Variants in TBX18 observed in about 807,000 individuals in gnomAD.
TBX18 encodes T-box transcription factor 18, also known as T-box transcription factor TBX18.
TBX18 carries 21 observed loss-of-function variants against 55.0 expected under a neutral mutation model. That is an observed-to-expected ratio of 0.38 (90% CI 0.27 to 0.55). TBX18 has a LOEUF of 0.55. Ranked by LOEUF, TBX18 falls within the 20% of genes least tolerant of loss-of-function variation. The pLI is 0.73. For missense variants in TBX18, 840 were observed against 799.6 expected, an observed-to-expected ratio of 1.05 and a Z score of -0.61; for synonymous variants, 342 against 326.1, an observed-to-expected ratio of 1.05 and a Z score of -0.53.
chr6:84,736,499 C>T lies in TBX18; in HGVS notation c.*186G>A, dbSNP rs1167807474. The T allele has an allele frequency of 5.6e-5, 31 of 553,450 alleles. No homozygotes were observed. Among genetic ancestry groups the T allele is most frequent in the Admixed American group, 2.8e-4 (7 of 25,120 alleles). The allele number at this position is 553,450 out of a possible 1,614,324, so 34.3% of individuals were successfully genotyped here. ...TGATACTCCATGTGCTATGTATATACAGCATACATATATACCATAGATAAT... is the reference window on the plus strand; with the variant it reads ...TGATACTCCATGTGCTATGTATATATAGCATACATATATACCATAGATAAT... On this transcript the variant is annotated 3_prime_UTR_variant, in exon 8 of 8. Coordinates refer to ENST00000369663, the MANE Select transcript of TBX18 (RefSeq NM_001080508.3).
intron 2 of TBX18, 120 bp from the exon 3 acceptor site, chr6:84,760,476 T>C: frequency 1.7e-6 from 1 of 587,112 alleles, no homozygotes; most frequent in Non-Finnish European, 2.9e-6. Context: ...ATTTATAGTA[T>C]TCACTTTGCC....
Position 84,764,054 on chromosome 6 carries a change from G to A in TBX18, c.128C>T (p.Ala43Val), listed in dbSNP as rs375648531. 439 of 1,563,412 alleles carry A rather than the reference G, an allele frequency of 2.8e-4. No homozygotes were observed. In the African/African-American group the frequency reaches 5.4e-3, roughly 19 times the overall value. Residue 43 changes from alanine (A) to valine (V), a missense_variant, in exon 1 of 8, where the codon GCC becomes GTC. By Grantham distance (64) the Ala-to-Val change is moderately conservative (BLOSUM62 0). Coordinates refer to ENST00000369663, the MANE Select transcript of TBX18 (RefSeq NM_001080508.3). ...GTCCACGGCCCCCGCCGCCTCTTCGGCGCCCAGTTTTCGCCGCTTCTTCTG... is the reference window on the plus strand; with the variant it reads ...GTCCACGGCCCCCGCCGCCTCTTCGACGCCCAGTTTTCGCCGCTTCTTCTG... ...QLQKKRRKLG[A>V]EEAAGAVDDG... is the part of the protein sequence containing the mutation.
Position 84,737,099 on chromosome 6 carries a change from C to T in TBX18, c.1410G>A (p.Met470Ile). 1 of 1,614,196 alleles carries T rather than the reference C, an allele frequency of 6.2e-7. No individual in the cohort carries two copies. The highest frequency in any genetic ancestry group is 8.5e-7 in the Non-Finnish European group (1 of 1,180,032). The change falls in exon 8 of 8, where the codon ATG becomes ATA. Residue 470 changes from methionine to isoleucine, a missense_variant. By Grantham distance (10) the Met-to-Ile change is conservative. Transcript: ENST00000369663. ...TGAAGGTGTCCCCATCAGTGCCACCCATGGACATGTTCACGGAGGTGCTGC... is the reference window on the plus strand; with the variant it reads ...TGAAGGTGTCCCCATCAGTGCCACCTATGGACATGTTCACGGAGGTGCTGC... ...VSSSTSVNMS[M>I]GGTDGDTFSC...
intron 4 of TBX18, among the ~76,000 whole-genome samples, chr6:84,753,295 C>T (rs562557851): frequency 2.6e-5 from 4 of 152,304 alleles, no homozygotes; most frequent in East Asian, 1.9e-4. Flanking sequence ...TGTGCTCCTA[C>T]GTCCAGTCAA....
intron 6 of TBX18, among the ~76,000 whole-genome samples, chr6:84,743,664 C>A (rs780735616): frequency 2.6e-5 from 4 of 152,120 alleles, no homozygotes; most frequent in Admixed American, 1.3e-4. Flanking sequence ...ACTAGGTGAT[C>A]TGCTTTTTGA....
At chr6:84,761,414 G>A (rs1460063449) in intron 2 of TBX18, among the ~76,000 whole-genome samples, 2 of 152,172 alleles carry the variant, frequency 1.3e-5, no homozygotes, top group Non-Finnish European at 2.9e-5. Context: ...GCACCTGTAA[G>A]ATAAAGAGTA....
chr6:84,744,992 C>A (rs1158861184), intron 5 of TBX18, among the ~76,000 whole-genome samples: 1 of 152,056 alleles, frequency 6.6e-6, no homozygotes. Context: ...TGAATCAAAT[C>A]TCATACTAAA....
intron 5 of TBX18, among the ~76,000 whole-genome samples, chr6:84,746,753 A>C (rs781279644): frequency 6.7e-6 from 1 of 150,088 alleles, no homozygotes; most frequent in Non-Finnish European, 1.5e-5. Context: ...TTGAAACAAT[A>C]CAGAGAAGAT....
intron 5 of TBX18, among the ~76,000 whole-genome samples, chr6:84,746,243 A>T (rs1403239578): frequency 1.3e-5 from 2 of 151,980 alleles, no homozygotes; most frequent in Non-Finnish European, 2.9e-5. Context: ...AGACAAAAAG[A>T]GAGGAAGAGA....
intron 4 of TBX18, among the ~76,000 whole-genome samples, chr6:84,753,103 T>C (rs1451160392): frequency 2.0e-5 from 3 of 152,324 alleles, no homozygotes; most frequent in South Asian, 2.1e-4. Context: ...AAGCTCGCTA[T>C]GGATTCACCA....
intron 6 of TBX18, 33 bp from the exon 7 acceptor site, chr6:84,738,624 A>G (rs1766957155): frequency 1.9e-6 from 3 of 1,545,198 alleles, no homozygotes; most frequent in African/African-American, 1.4e-5. Flanking sequence ...GGGGTGGACA[A>G]AAGAAGTCTA....
chr6:84,762,792 G>T, intron 1 of TBX18, 44 bp from the exon 2 acceptor site: 1 of 1,552,614 alleles, frequency 6.4e-7, no homozygotes, highest in Non-Finnish European at 8.7e-7. Flanking sequence ...GAGGGAAACA[G>T]AGGGGAAGCC....
Position 84,755,690 on chromosome 6 carries a change from G to C in TBX18, c.771+1008C>G, listed in dbSNP as rs112896620. Among the ~76,000 whole-genome samples, 93 of 152,180 alleles carry C rather than the reference G, an allele frequency of 6.1e-4. 1 individual carries two copies. Among genetic ancestry groups the C allele is most frequent in the African/African-American group, 2.1e-3 (87 of 41,532 alleles). On this transcript the variant is annotated intron_variant, in intron 4 of 7. Coordinates refer to ENST00000369663, the MANE Select transcript of TBX18 (RefSeq NM_001080508.3). ...ACAATCAAGAAACAAAAACACTGGC[G>C]GTGTGAGATCTTACTAGTTGCATCT...
Position 84,744,284 on chromosome 6 carries a change from G to A in TBX18, c.981C>T (p.Gly327=). 6.2e-7 allele frequency: 1 copy of A among 1,612,958 alleles called. No homozygotes were observed. Among genetic ancestry groups the A allele is most frequent in the Non-Finnish European group, 8.5e-7 (1 of 1,179,318 alleles). Residue 327 remains glycine (G), a synonymous_variant, in exon 6 of 8, where the codon GGC becomes GGT. Coordinates refer to ENST00000369663, the MANE Select transcript of TBX18 (RefSeq NM_001080508.3). The stretch of plus-strand genomic sequence containing the variant: ...ACCTGTTGCGCCCGGAGTCTCGGAA[G>A]CCTTTAGCAAATGGATTCCTATCTA... The part of the protein sequence containing the change: ...LKIDRNPFAK[G]FRDSGRNRMG...
intron 5 of TBX18, among the ~76,000 whole-genome samples, 192 bp from the exon 6 acceptor site, chr6:84,744,517 A>C (rs1014018171): frequency 6.6e-6 from 1 of 152,174 alleles, no homozygotes; most frequent in Admixed American, 6.6e-5. Context: ...TAGAACATTC[A>C]TCTGCTCTAA....
At chr6:84,759,282 T>C (rs1400747017) in intron 3 of TBX18, among the ~76,000 whole-genome samples, 1 of 152,122 alleles carries the variant, frequency 6.6e-6, no homozygotes, top group Non-Finnish European at 1.5e-5. Flanking sequence ...AAAATCTGTG[T>C]ACTTTTGATA....
chr6:84,737,439 AC>A, intron 7 of TBX18, 30 bp from the exon 8 acceptor site: 1 of 1,493,530 alleles, frequency 6.7e-7, no homozygotes, highest in Non-Finnish European at 8.9e-7. Flanking sequence ...GTAAAGAATG[AC>A]TCCACAGTCA....
In TBX18 at chr6:84,734,683, G is replaced by T. The variant is rs568929093; in HGVS notation, c.*2002C>A. The T allele has an allele frequency of 1.3e-5, 2 of 152,512 alleles. No individual in the cohort carries two copies. Among genetic ancestry groups the T allele is most frequent in the Admixed American group, 1.3e-4 (2 of 15,270 alleles). 9.4% of individuals were successfully genotyped at this position (152,512 alleles called of 1,614,324 possible). A position where few individuals can be genotyped will look rare whatever the true frequency, so the allele number is the denominator to read the frequency against. On this transcript the variant is annotated 3_prime_UTR_variant, in exon 8 of 8. Transcript: ENST00000369663. ...TGTGGTATCATCTGAAATGATCAAC[G>T]GCAAGAAGGAAAATGCTCTTATTAA...
rs1766902130 is a variant in TBX18, at chr6:84,737,292, G to A, written c.1217C>T (p.Thr406Ile). 6.2e-7 allele frequency: 1 copy of A among 1,607,522 alleles called. No homozygotes were observed. Among genetic ancestry groups the A allele is most frequent in the Non-Finnish European group, 8.5e-7 (1 of 1,176,694 alleles). The change falls in exon 8 of 8, where the codon ACC becomes ATC. Residue 406 changes from threonine to isoleucine, a missense_variant. Transcript: ENST00000369663. Reference protein sequence around the residue: ...SSPAFHLGPNTSQLCSLAPAD... With the variant: ...SSPAFHLGPNISQLCSLAPAD... ...AGGGGCCAGACTACACAGCTGGCTG[G>A]TGTTGGGCCCCAGATGGAAGGCAGG...
Sources: gnomAD v4.1 joint callset for allele counts (sites outside exome capture counted in the v4.1 genomes callset) on GRCh38, gnomAD v4.1.1 for gene constraint, MANE v1.5 for transcripts, NCBI Gene and HGNC (gene_info 2026-07-23, HGNC 2026-07-21) for gene names.